RHOJ: variants seen among roughly 807,000 people sequenced by gnomAD.
The protein encoded by RHOJ is rho-related GTP-binding protein RhoJ.
Under a neutral mutation model 23.4 loss-of-function variants are expected in RHOJ, and 11 were observed. That is an observed-to-expected ratio of 0.47 (90% confidence interval 0.30 to 0.78). The LOEUF is 0.78. RHOJ is among the 30% of genes least tolerant of loss of function. The pLI is 0.08. For synonymous variants in RHOJ, 102 were observed against 102.7 expected, an observed-to-expected ratio of 0.99 and a Z score of 0.04; for missense variants, 254 against 273.4, an observed-to-expected ratio of 0.93 and a Z score of 0.50.
rs753204078 is a variant in RHOJ, at chr14:63,269,146, G to A, written c.215G>A (p.Gly72Glu). The stretch of plus-strand genomic sequence containing the variant: ...GTGGGAGGCAAGCAACACTTGCTCG[G>A]ACTGTATGACACCGCGGGACAGGTA... ...VTVGGKQHLL[G>E]LYDTAGQEDY... The change falls in exon 2 of 5, where the codon GGA (glycine) becomes GAA (glutamate). Residue 72 changes from glycine to glutamate, a missense_variant. By Grantham distance (98) the Gly-to-Glu change is moderately conservative. Transcript: ENST00000316754. 6.2e-6 allele frequency: 10 copies of A among 1,613,070 alleles called. No individual in the cohort carries two copies. The East Asian group carries it at 2.0e-4, about 32-fold the overall frequency.
At chr14:63,233,523 A>G (rs1894734768) in intron 1 of RHOJ, among the ~76,000 whole-genome samples, 1 of 152,216 alleles carries the variant, frequency 6.6e-6, no homozygotes, top group Non-Finnish European at 1.5e-5. Context: ...ATGAAAGTGA[A>G]CCTCAAACTA....
At chr14:63,233,601 A>G (rs1464235654) in intron 1 of RHOJ, among the ~76,000 whole-genome samples, 1 of 152,228 alleles carries the variant, frequency 6.6e-6, no homozygotes, top group African/African-American at 2.4e-5. Context: ...AAATTCATCA[A>G]TGTCCTTAGT....
rs7144324 is a variant in RHOJ, at chr14:63,264,643, G to A, written c.179-4467G>A. ...GAACTAATTTACATTTCCACTAATA[G>A]TGTATAAGGTTTCCCTTTTCTCCAC... On this transcript the variant is annotated intron_variant, in intron 1 of 4. Transcript: ENST00000316754. Among the ~76,000 whole-genome samples, 421 of 152,316 alleles carry A rather than the reference G, an allele frequency of 2.8e-3. 3 individuals are homozygous for A. Among genetic ancestry groups the A allele is most frequent in the African/African-American group, 9.6e-3 (400 of 41,564 alleles).
At chr14:63,259,505 T>C (rs911798071) in intron 1 of RHOJ, among the ~76,000 whole-genome samples, 1 of 152,228 alleles carries the variant, frequency 6.6e-6, no homozygotes, top group Non-Finnish European at 1.5e-5. Context: ...ATATTTTTAT[T>C]TGTAGGTGCT....
At chr14:63,272,114 C>G (rs1895481738) in intron 2 of RHOJ, among the ~76,000 whole-genome samples, 2 of 73,548 alleles carry the variant, frequency 2.7e-5, no homozygotes, top group African/African-American at 2.4e-4. Context: ...GAAGCACTAC[C>G]TAAACGTTTC....
chr14:63,286,863 G>A (rs1236682264), intron 4 of RHOJ, among the ~76,000 whole-genome samples: 3 of 152,234 alleles, frequency 2.0e-5, no homozygotes, highest in Non-Finnish European at 4.4e-5. Flanking sequence ...GCCTAGAAAT[G>A]TTTTTCCTCT....
intron 1 of RHOJ, among the ~76,000 whole-genome samples, chr14:63,266,488 T>C (rs1346852652): frequency 1.3e-5 from 2 of 152,206 alleles, no homozygotes; most frequent in Admixed American, 6.5e-5. Context: ...AGTAGTTTGA[T>C]AGGAAGGCTG....
At chr14:63,225,609 G>A (rs1594755642) in intron 1 of RHOJ, among the ~76,000 whole-genome samples, 1 of 151,944 alleles carries the variant, frequency 6.6e-6, no homozygotes, top group Non-Finnish European at 1.5e-5. Flanking sequence ...AAGAAAAATG[G>A]GAAACAAAAA....
In RHOJ at chr14:63,204,699, T is replaced by G; in HGVS notation, c.-171T>G. On this transcript the variant is annotated 5_prime_UTR_variant, in exon 1 of 5. An upstream start codon of the reference 5' UTR is lost. Transcript: ENST00000316754. ...TGTGTGTTACCTTTCTTTACCAGCA[T>G]GGTAAGCAACAGGACATATCCCAGC... 1 of 636,376 alleles carries G rather than the reference T, an allele frequency of 1.6e-6. No individual in the cohort carries two copies. The highest frequency in any genetic ancestry group is 2.7e-6 in the Non-Finnish European group (1 of 364,392). The allele number at this position is 636,376 out of a possible 1,614,324, so 39.4% of individuals were successfully genotyped here. A position where few individuals can be genotyped will look rare whatever the true frequency, so the allele number is the denominator to read the frequency against.
chr14:63,207,981 C>T (rs901710659), intron 1 of RHOJ, among the ~76,000 whole-genome samples: 5 of 152,018 alleles, frequency 3.3e-5, no homozygotes, highest in African/African-American at 1.2e-4. Flanking sequence ...ATAAAGACTA[C>T]AAGAAGGAAA....
intron 1 of RHOJ, among the ~76,000 whole-genome samples, chr14:63,212,821 A>G (rs1160315617): frequency 1.3e-5 from 2 of 152,228 alleles, no homozygotes; most frequent in South Asian, 2.1e-4. Flanking sequence ...TAAAATAACA[A>G]TTAATACATA....
intron 2 of RHOJ, among the ~76,000 whole-genome samples, chr14:63,271,737 G>A (rs1266728599): frequency 1.3e-5 from 2 of 152,188 alleles, no homozygotes; most frequent in South Asian, 2.1e-4. Flanking sequence ...TGGGATTACA[G>A]GCACCTGCCA....
intron 1 of RHOJ, among the ~76,000 whole-genome samples, chr14:63,222,229 G>A (rs1228963891): frequency 3.3e-5 from 5 of 152,010 alleles, no homozygotes. Flanking sequence ...TATCATTGAT[G>A]GACATTTGGG....
intron 1 of RHOJ, among the ~76,000 whole-genome samples, chr14:63,238,422 A>G (rs76020304): frequency 1.3e-3 from 198 of 151,596 alleles, no homozygotes; most frequent in African/African-American, 4.6e-3. Context: ...ATTTATTATT[A>G]TTATTATTTT....
chr14:63,283,329 A>C (rs1881973886), intron 4 of RHOJ, 113 bp downstream of exon 4: 1 of 849,920 alleles, frequency 1.2e-6, no homozygotes, highest in Non-Finnish European at 1.9e-6. Flanking sequence ...ATGTGTTTAG[A>C]ATCTTCTCTA....
Position 63,227,953 on chromosome 14 carries a change from C to T in RHOJ, c.178+22906C>T, listed in dbSNP as rs1894624469. Among the ~76,000 whole-genome samples the T allele has an allele frequency of 3.3e-5, 5 of 152,106 alleles. No homozygotes were observed. The South Asian group carries it at 1.0e-3, about 32-fold the overall frequency. The stretch of plus-strand genomic sequence containing the variant: ...TTTATTAATTTGAATTTAGTCACAT[C>T]GGTATAGGGTTTTGCTGCTTTTATG... On this transcript the variant is annotated intron_variant, in intron 1 of 4. Coordinates refer to ENST00000316754, the MANE Select transcript of RHOJ (RefSeq NM_020663.5).
intron 4 of RHOJ, among the ~76,000 whole-genome samples, chr14:63,289,219 C>T (rs568665706): frequency 6.6e-6 from 1 of 152,234 alleles, no homozygotes; most frequent in East Asian, 1.9e-4. Flanking sequence ...AATAAAAAAT[C>T]CAAATGTCCA....
intron 1 of RHOJ, among the ~76,000 whole-genome samples, chr14:63,241,375 T>G (rs965438600): frequency 6.6e-6 from 1 of 152,194 alleles, no homozygotes; most frequent in Non-Finnish European, 1.5e-5. Flanking sequence ...AGGAAGAGAT[T>G]ACTAATCCCA....
chr14:63,282,943 T>C (rs1881956557), intron 3 of RHOJ, among the ~76,000 whole-genome samples, 178 bp from the exon 4 acceptor site: 1 of 152,184 alleles, frequency 6.6e-6, no homozygotes, highest in Admixed American at 6.5e-5. Context: ...TGTGTACATT[T>C]ACAAAGAAAT....
Sources: allele counts gnomAD v4.1 joint callset (sites outside exome capture counted in the v4.1 genomes callset), GRCh38; gene constraint gnomAD v4.1.1; transcripts MANE v1.5; gene names NCBI Gene and HGNC (gene_info 2026-07-23, HGNC 2026-07-21).